The following VPS13B variants were observed in gnomAD, a reference collection of about 807,000 sequenced individuals.
VPS13B encodes the protein intermembrane lipid transfer protein VPS13B.
VPS13B carries 285 observed loss-of-function variants against 426.4 expected under a neutral mutation model. The observed-to-expected ratio is 0.67, with a 90% CI of 0.61 to 0.74. The LOEUF (loss-of-function observed/expected upper bound fraction) is 0.74, where lower values mean the gene tolerates loss of function less well. Among genes scored for constraint, VPS13B ranks in the 30% least tolerant of loss-of-function variants. VPS13B has a pLI of 0.00. For synonymous variants in VPS13B, 1,676 were observed against 1,676.4 expected, an observed-to-expected ratio of 1.00 and a Z score of 0.01; for missense variants, 4,537 against 4,782.6, an observed-to-expected ratio of 0.95 and a Z score of 1.51.
At chr8:99,423,150 A>G (rs1311075322) in intron 21 of VPS13B, among the ~76,000 whole-genome samples, 1 of 152,080 alleles carries the variant, frequency 6.6e-6, no homozygotes, top group Non-Finnish European at 1.5e-5. Flanking sequence ...TACAGAAATT[A>G]CCACTGATGC....
intron 4 of VPS13B, among the ~76,000 whole-genome samples, chr8:99,097,025 A>T (rs1440702742): frequency 6.6e-6 from 1 of 152,156 alleles, no homozygotes; most frequent in African/African-American, 2.4e-5. Context: ...CTGCTTCTTA[A>T]TATCCCCAGG....
intron 33 of VPS13B, among the ~76,000 whole-genome samples, chr8:99,606,943 GA>G (rs905617788): frequency 1.3e-5 from 2 of 152,116 alleles, no homozygotes; most frequent in Non-Finnish European, 2.9e-5. Flanking sequence ...TTAAGCACAG[GA>G]AGGAACAGTT....
chr8:99,362,204 G>A (rs939494803), intron 19 of VPS13B, among the ~76,000 whole-genome samples: 1 of 146,906 alleles, frequency 6.8e-6, no homozygotes, highest in Admixed American at 6.9e-5. Flanking sequence ...GTGCAGTGGC[G>A]CGATCTGGCT....
At chr8:99,382,826 G>A (rs1186000984) in intron 19 of VPS13B, among the ~76,000 whole-genome samples, 1 of 151,990 alleles carries the variant, frequency 6.6e-6, no homozygotes, top group East Asian at 1.9e-4. Context: ...TTTCCTGATT[G>A]CTCTGGCCAG....
At chr8:99,232,402 A>G (rs1327410619) in intron 17 of VPS13B, among the ~76,000 whole-genome samples, 1 of 152,080 alleles carries the variant, frequency 6.6e-6, no homozygotes, top group Non-Finnish European at 1.5e-5. Flanking sequence ...TGTCCTTCCG[A>G]CAAGATTTCC....
intron 36 of VPS13B, among the ~76,000 whole-genome samples, chr8:99,711,446 T>G (rs1832706964): frequency 6.6e-6 from 1 of 152,200 alleles, no homozygotes; most frequent in Admixed American, 6.5e-5. Context: ...AAATTCTCAG[T>G]GTCATTTGTG....
At chr8:99,330,351 T>C (rs1227802096) in intron 19 of VPS13B, among the ~76,000 whole-genome samples, 1 of 151,858 alleles carries the variant, frequency 6.6e-6, no homozygotes, top group Non-Finnish European at 1.5e-5. Flanking sequence ...ATTTTAATAA[T>C]ATATTCTATT....
chr8:99,124,650 G>A (rs1353687172), intron 8 of VPS13B, among the ~76,000 whole-genome samples: 1 of 152,058 alleles, frequency 6.6e-6, no homozygotes, highest in Non-Finnish European at 1.5e-5. Flanking sequence ...ACTTTGGGAG[G>A]CTGAGGTGGG....
At chr8:99,141,284 A>G (rs1810405843) in intron 12 of VPS13B, among the ~76,000 whole-genome samples, 2 of 152,210 alleles carry the variant, frequency 1.3e-5, no homozygotes, top group Non-Finnish European at 2.9e-5. Context: ...ATCTAAATTT[A>G]AACTGCATTA....
intron 25 of VPS13B, among the ~76,000 whole-genome samples, chr8:99,494,400 A>G (rs191760249): frequency 7.2e-5 from 11 of 152,096 alleles, no homozygotes; most frequent in Admixed American, 6.5e-4. Flanking sequence ...CATAGTTTTC[A>G]TTATGTCTTT....
At chr8:99,698,970 G>A (rs1373681363) in intron 35 of VPS13B, among the ~76,000 whole-genome samples, 1 of 152,072 alleles carries the variant, frequency 6.6e-6, no homozygotes, top group Non-Finnish European at 1.5e-5. Context: ...AATGCAGAGT[G>A]TAGGGAAAGG....
chr8:99,381,108 A>G (rs537286777), intron 19 of VPS13B, among the ~76,000 whole-genome samples: 1 of 151,962 alleles, frequency 6.6e-6, no homozygotes, highest in Admixed American at 6.6e-5. Flanking sequence ...CTATGTGTCC[A>G]TGTGTTCTCA....
chr8:99,220,428 T>C (rs996771596), intron 17 of VPS13B, among the ~76,000 whole-genome samples: 2 of 152,216 alleles, frequency 1.3e-5, no homozygotes, highest in Non-Finnish European at 2.9e-5. Flanking sequence ...TGTTTGTTTG[T>C]GTTGATGTCA....
chr8:99,111,340 T>C lies in VPS13B; in HGVS notation c.762+61T>C, dbSNP rs1470005357. ...TCTTTATTTTGTTTATTGACTCTTG[T>C]GGATGCTAATCATTATTAACAAATG... On this transcript the variant is annotated intron_variant, in intron 6 of 61. Coordinates refer to ENST00000357162, the MANE Select transcript of VPS13B (RefSeq NM_152564.5). The C allele has an allele frequency of 3.7e-6, 5 of 1,358,034 alleles. No homozygotes were observed. The East Asian group carries it at 7.0e-5, about 19-fold the overall frequency. 84.1% of individuals were successfully genotyped at this position (1,358,034 alleles called of 1,614,324 possible). A position where few individuals can be genotyped will look rare whatever the true frequency, so the allele number is the denominator to read the frequency against.
chr8:99,614,272 C>T (rs1272784977), intron 33 of VPS13B, among the ~76,000 whole-genome samples: 36 of 147,980 alleles, frequency 2.4e-4, no homozygotes, highest in African/African-American at 6.5e-4. Context: ...CACACACACA[C>T]ATATATATAT....
rs764448132 is a variant in VPS13B at position 99,044,064 on chromosome 8, CT to C, written c.291+5509del. Among the ~76,000 whole-genome samples the C allele has an allele frequency of 2.6e-3, 329 of 128,618 alleles. 3 individuals carry two copies. Among genetic ancestry groups the C allele is most frequent in the Non-Finnish European group, 3.0e-3 (175 of 59,130 alleles). The allele number at this position is 128,618 out of a possible 152,430, so 84.4% of individuals were successfully genotyped here. A position where few individuals can be genotyped will look rare whatever the true frequency, so the allele number is the denominator to read the frequency against. The stretch of plus-strand genomic sequence containing the variant: ...TCTTTTCTTTATAACCACATCATTT[CT>C]TTTTTTTTTTCTTTCTTTCTTTTTT... On this transcript the variant is annotated intron_variant, in intron 3 of 61. Transcript: ENST00000357162.
intron 25 of VPS13B, among the ~76,000 whole-genome samples, chr8:99,499,039 AGT>A (rs770679505): frequency 2.0e-5 from 3 of 152,154 alleles, no homozygotes; most frequent in Non-Finnish European, 4.4e-5. Context: ...AGGGATATAA[AGT>A]GTTTGCTCTT....
At chr8:99,820,605 A>G (rs1476391769) in intron 49 of VPS13B, among the ~76,000 whole-genome samples, 3 of 152,232 alleles carry the variant, frequency 2.0e-5, no homozygotes, top group Non-Finnish European at 4.4e-5. Context: ...CCAGTTGATT[A>G]TAACAGTGTG....
intron 20 of VPS13B, among the ~76,000 whole-genome samples, chr8:99,390,078 A>G (rs1010939347): frequency 6.6e-6 from 1 of 151,522 alleles, no homozygotes; most frequent in Non-Finnish European, 1.5e-5. Flanking sequence ...TCGATAATTT[A>G]TTTAATCTTT....
Sources: gnomAD v4.1 joint callset for allele counts (sites outside exome capture counted in the v4.1 genomes callset) on GRCh38, gnomAD v4.1.1 for gene constraint, MANE v1.5 for transcripts, NCBI Gene and HGNC (gene_info 2026-07-23, HGNC 2026-07-21) for gene names.